EEF1AKMT1: variants seen among roughly 807,000 people sequenced by gnomAD.
The protein encoded by EEF1AKMT1 is N-6 adenine-specific DNA methyltransferase 2 (putative).
A neutral mutation model predicts 21.0 loss-of-function variants in EEF1AKMT1; 18 were observed. That is an observed-to-expected ratio of 0.86 (90% confidence interval 0.59 to 1.27). The LOEUF is 1.27. Ranked by LOEUF, EEF1AKMT1 falls within the 50% of genes most tolerant of loss-of-function variation. The pLI is 0.00. For missense variants in EEF1AKMT1, 246 were observed against 258.6 expected, an observed-to-expected ratio of 0.95 and a Z score of 0.33; for synonymous variants, 109 against 94.8, an observed-to-expected ratio of 1.15 and a Z score of -0.87.
chr13:20,733,921 G>A (rs898768573), intron 3 of EEF1AKMT1, among the ~76,000 whole-genome samples: 8 of 152,188 alleles, frequency 5.3e-5, no homozygotes, highest in Non-Finnish European at 1.2e-4. Flanking sequence ...ACCCATGCCG[G>A]GCTAAGCAGG....
At chr13:20,730,916 C>G (rs2058790296) in intron 4 of EEF1AKMT1, among the ~76,000 whole-genome samples, 1 of 152,196 alleles carries the variant, frequency 6.6e-6, no homozygotes. Flanking sequence ...GTTGCTCACT[C>G]TTTGGGTCCA....
chr13:20,737,677 TCAAAATA>T (rs1396692582), intron 3 of EEF1AKMT1, 39 bp downstream of exon 3: 1 of 1,490,626 alleles, frequency 6.7e-7, no homozygotes, highest in Admixed American at 1.7e-5. Context: ...GGAAAGACAT[TCAAAATA>T]TTACATTAGA....
intron 4 of EEF1AKMT1, among the ~76,000 whole-genome samples, chr13:20,729,447 T>A (rs1350355349): frequency 1.3e-5 from 2 of 151,912 alleles, no homozygotes; most frequent in Non-Finnish European, 2.9e-5. Context: ...TTTTCCTACC[T>A]CTGCAAAGCC....
chr13:20,760,779 G>A (rs2058997711), intron 1 of EEF1AKMT1, among the ~76,000 whole-genome samples: 1 of 152,156 alleles, frequency 6.6e-6, no homozygotes, highest in South Asian at 2.1e-4. Flanking sequence ...CACACTTAAT[G>A]CTGATGAGAA....
intron 3 of EEF1AKMT1, among the ~76,000 whole-genome samples, chr13:20,732,364 C>T (rs1014102182): frequency 6.6e-6 from 1 of 152,040 alleles, no homozygotes; most frequent in African/African-American, 2.4e-5. Context: ...TGGAGTCTCA[C>T]TCTGTTGCCA....
intron 1 of EEF1AKMT1, among the ~76,000 whole-genome samples, chr13:20,764,397 G>A (rs1344421759): frequency 6.6e-6 from 1 of 152,188 alleles, no homozygotes; most frequent in African/African-American, 2.4e-5. Context: ...TTTTAAAAAT[G>A]CTGAAGTTTG....
At chr13:20,761,304 TG>T (rs2059000665) in intron 1 of EEF1AKMT1, among the ~76,000 whole-genome samples, 1 of 152,224 alleles carries the variant, frequency 6.6e-6, no homozygotes, top group Non-Finnish European at 1.5e-5. Flanking sequence ...TCAATAATTT[TG>T]TCACTTTAGA....
chr13:20,739,353 C>T (rs1029097725), intron 2 of EEF1AKMT1, among the ~76,000 whole-genome samples: 20 of 152,114 alleles, frequency 1.3e-4, no homozygotes, highest in Non-Finnish European at 1.9e-4. Context: ...AGAGGGTTGC[C>T]GCCGCTAAGC....
At chr13:20,772,001 G>T (rs942863229) in intron 1 of EEF1AKMT1, among the ~76,000 whole-genome samples, 2 of 115,578 alleles carry the variant, frequency 1.7e-5, no homozygotes, top group Admixed American at 1.9e-4. Flanking sequence ...ACAGGAGTGA[G>T]ACTACATTTC....
intron 2 of EEF1AKMT1, among the ~76,000 whole-genome samples, chr13:20,748,940 G>C (rs1475139949): frequency 6.6e-6 from 1 of 151,790 alleles, no homozygotes; most frequent in Non-Finnish European, 1.5e-5. Flanking sequence ...TGTTGGCCAG[G>C]ATGGTCTCAA....
intron 2 of EEF1AKMT1, among the ~76,000 whole-genome samples, chr13:20,756,864 G>A (rs1430028748): frequency 6.6e-6 from 1 of 152,020 alleles, no homozygotes; most frequent in Non-Finnish European, 1.5e-5. Flanking sequence ...CAAACCAACA[G>A]CACACACTCC....
intron 3 of EEF1AKMT1, among the ~76,000 whole-genome samples, chr13:20,736,031 C>G (rs1183192889): frequency 1.3e-5 from 2 of 150,908 alleles, no homozygotes; most frequent in African/African-American, 2.4e-5. Flanking sequence ...AAAATAGGAA[C>G]AGAAAAAAAA....
intron 1 of EEF1AKMT1, among the ~76,000 whole-genome samples, chr13:20,767,803 CT>C (rs2059043284): frequency 6.6e-6 from 1 of 152,206 alleles, no homozygotes; most frequent in Non-Finnish European, 1.5e-5. Context: ...TGTACCACAA[CT>C]CTCTGATGCT....
intron 1 of EEF1AKMT1, among the ~76,000 whole-genome samples, chr13:20,762,906 T>C (rs149418731): frequency 1.3e-5 from 2 of 152,342 alleles, no homozygotes; most frequent in Non-Finnish European, 2.9e-5. Flanking sequence ...AAATAACTTT[T>C]TGATATCAAC....
At chr13:20,759,007 T>G (rs967818348) in intron 1 of EEF1AKMT1, among the ~76,000 whole-genome samples, 2 of 152,150 alleles carry the variant, frequency 1.3e-5, no homozygotes, top group African/African-American at 4.8e-5. Flanking sequence ...TCTCACCAGA[T>G]AGAAACATTA....
intron 2 of EEF1AKMT1, among the ~76,000 whole-genome samples, chr13:20,753,339 T>G (rs923620215): frequency 6.6e-6 from 1 of 152,192 alleles, no homozygotes; most frequent in East Asian, 1.9e-4. Context: ...AGACTTGTTT[T>G]CTGTCCAAAC....
chr13:20,739,014 T>C (rs1215934152), intron 2 of EEF1AKMT1, among the ~76,000 whole-genome samples: 1 of 152,066 alleles, frequency 6.6e-6, no homozygotes, highest in African/African-American at 2.4e-5. Context: ...GTGCCCAGAG[T>C]TCCTTCCTTC....
chr13:20,731,356 C>T (rs2058794659), intron 4 of EEF1AKMT1, among the ~76,000 whole-genome samples: 1 of 152,166 alleles, frequency 6.6e-6, no homozygotes. Flanking sequence ...GTTCCAGCTA[C>T]TTGGGAGGCT....
intron 2 of EEF1AKMT1, among the ~76,000 whole-genome samples, chr13:20,748,293 G>A (rs548263687): frequency 7.8e-4 from 119 of 152,148 alleles, no homozygotes; most frequent in African/African-American, 2.7e-3. Flanking sequence ...GAAATTAGCC[G>A]GGCATGGTGG....
Sources: gnomAD v4.1 joint callset for allele counts (sites outside exome capture counted in the v4.1 genomes callset) on GRCh38, gnomAD v4.1.1 for gene constraint, MANE v1.5 for transcripts, NCBI Gene and HGNC (gene_info 2026-07-23, HGNC 2026-07-21) for gene names.